The following PDE4B variants were observed in gnomAD, a reference collection of about 807,000 sequenced individuals.
The protein encoded by PDE4B is 3',5'-cyclic-AMP phosphodiesterase 4B.
PDE4B carries 20 observed loss-of-function variants against 82.2 expected under a neutral mutation model. The observed-to-expected ratio is 0.24, with a 90% confidence interval of 0.17 to 0.35. The LOEUF (loss-of-function observed/expected upper bound fraction) is 0.35. Among genes scored for constraint, PDE4B ranks in the 10% least tolerant of loss-of-function variants. The probability of loss-of-function intolerance (pLI) is 1.00; values close to 1 mark genes in which losing one functional copy is unlikely to be tolerated. For synonymous variants in PDE4B, 320 were observed against 318.9 expected, an observed-to-expected ratio of 1.00 and a Z score of -0.04; for missense variants, 655 against 907.2, an observed-to-expected ratio of 0.72 and a Z score of 3.57.
In PDE4B at chr1:66,368,793, C is replaced by T. The variant is rs370349934; in HGVS notation, c.1669C>T (p.Arg557Cys). Reference sequence around the variant, plus strand: ...CAAAACTTGATGATTTCAGGTCCTTCGCAACATGGTACACTGTGCAGACCT... The same window carrying T: ...CAAAACTTGATGATTTCAGGTCCTTTGCAACATGGTACACTGTGCAGACCT... ...DNYTDRIQVL[R>C]NMVHCADLSN... The change falls in exon 16 of 17, where the codon CGC (arginine) becomes TGC (cysteine). Residue 557 changes from arginine (R) to cysteine (C), a missense_variant. Around this residue, in one of 3 missense-constraint regions of PDE4B, gnomAD observed 283 missense variants for 516.4 expected, o/e 0.55. Coordinates refer to ENST00000341517, the MANE Select transcript of PDE4B (RefSeq NM_002600.4). The T allele has an allele frequency of 3.3e-5, 50 of 1,526,864 alleles. No homozygotes were observed. Among genetic ancestry groups the T allele is most frequent in the East Asian group, 4.7e-5 (2 of 42,484 alleles). The allele number at this position is 1,526,864 out of a possible 1,614,324, so 94.6% of individuals were successfully genotyped here. A position where few individuals can be genotyped will look rare whatever the true frequency, so the allele number is the denominator to read the frequency against.
intron 1 of PDE4B, among the ~76,000 whole-genome samples, chr1:65,839,777 G>T (rs1486889947): frequency 6.6e-6 from 1 of 152,064 alleles, no homozygotes. Context: ...AATCCTTTGG[G>T]TATATACCCA....
upstream of PDE4B, chr1:65,792,607 G>C (rs1456867328): frequency 6.6e-6 from 1 of 152,086 alleles, no homozygotes; most frequent in African/African-American, 2.4e-5. Context: ...CCGTGCCCGC[G>C]GAATATTGCA....
chr1:66,040,656 T>C lies in PDE4B; in HGVS notation c.281+121821T>C, dbSNP rs72918242. Among the ~76,000 whole-genome samples, 1,275 of 152,176 alleles carry C rather than the reference T, an allele frequency of 8.4e-3. 15 individuals are homozygous for C. Among genetic ancestry groups the C allele is most frequent in the African/African-American group, 0.029 (1,192 of 41,566 alleles). ...AAGTAGTTGCATTTCTAGAACAGCATGAAAATGTAATCCTACAATGTTTGA... is the reference window on the plus strand; with the variant it reads ...AAGTAGTTGCATTTCTAGAACAGCACGAAAATGTAATCCTACAATGTTTGA... On this transcript the variant is annotated intron_variant, in intron 3 of 16. Transcript: ENST00000341517.
chr1:66,345,178 A>T (rs1395207212), intron 8 of PDE4B, among the ~76,000 whole-genome samples: 1 of 151,146 alleles, frequency 6.6e-6, no homozygotes, highest in African/African-American at 2.4e-5. Context: ...CTAAATGTCA[A>T]GACATAGAAT....
Position 65,961,999 on chromosome 1 carries a change from T to C in PDE4B, c.281+43164T>C, listed in dbSNP as rs536743735. On this transcript the variant is annotated intron_variant, in intron 3 of 16. Coordinates refer to ENST00000341517, the MANE Select transcript of PDE4B (RefSeq NM_002600.4). ...TGAGATTACAACCTGATAAACCCAT[T>C]ATAAGTTGAAAATATTGTTAGTCGA... Among the ~76,000 whole-genome samples the C allele has an allele frequency of 8.5e-5, 13 of 152,302 alleles. No individual in the cohort carries two copies. The South Asian group carries it at 1.4e-3, about 17-fold the overall frequency.
chr1:66,082,138 C>T (rs1465781510), intron 3 of PDE4B, among the ~76,000 whole-genome samples: 1 of 151,970 alleles, frequency 6.6e-6, no homozygotes, highest in Non-Finnish European at 1.5e-5. Flanking sequence ...TCCCCAAATC[C>T]CAGCATTGAT....
At chr1:65,925,869 A>AATC (rs1647470608) in intron 3 of PDE4B, among the ~76,000 whole-genome samples, 1 of 152,080 alleles carries the variant, frequency 6.6e-6, no homozygotes, top group African/African-American at 2.4e-5. Context: ...ACATGATCAT[A>AATC]ATCTGTTAAG....
chr1:66,242,818 G>A (rs1652990838), intron 3 of PDE4B, among the ~76,000 whole-genome samples: 2 of 152,176 alleles, frequency 1.3e-5, no homozygotes, highest in South Asian at 4.1e-4. Context: ...CCCACCTGCT[G>A]GGCTTGGAGG....
chr1:66,074,852 G>A (rs564379457), intron 3 of PDE4B, among the ~76,000 whole-genome samples: 1 of 152,074 alleles, frequency 6.6e-6, no homozygotes, highest in South Asian at 2.1e-4. Context: ...TAATGTTATG[G>A]ATTCACCATC....
chr1:66,158,609 A>C (rs1320938252), intron 3 of PDE4B, among the ~76,000 whole-genome samples: 1 of 152,222 alleles, frequency 6.6e-6, no homozygotes, highest in East Asian at 1.9e-4. Context: ...TATTCAAAGA[A>C]AATCAGTATG....
intron 1 of PDE4B, among the ~76,000 whole-genome samples, chr1:65,863,754 C>T (rs368220508): frequency 6.6e-4 from 101 of 152,210 alleles, no homozygotes; most frequent in African/African-American, 2.2e-3. Context: ...TTTACCATTA[C>T]GTAATGCGTT....
At chr1:65,904,217 AG>A (rs1233974682) in intron 1 of PDE4B, among the ~76,000 whole-genome samples, 6 of 152,330 alleles carry the variant, frequency 3.9e-5, no homozygotes, top group African/African-American at 1.4e-4. Flanking sequence ...ATGTTTGAAC[AG>A]CACTGTACAG....
At chr1:66,329,282 G>C (rs1479300924) in intron 7 of PDE4B, among the ~76,000 whole-genome samples, 1 of 152,188 alleles carries the variant, frequency 6.6e-6, no homozygotes, top group Non-Finnish European at 1.5e-5. Flanking sequence ...GGGAAATTAG[G>C]ATGTGGGATA....
intron 3 of PDE4B, among the ~76,000 whole-genome samples, chr1:66,235,784 A>G (rs1405105214): frequency 6.6e-6 from 1 of 152,228 alleles, no homozygotes; most frequent in Non-Finnish European, 1.5e-5. Context: ...AAAAATGTTT[A>G]GACAAGTTAA....
intron 3 of PDE4B, among the ~76,000 whole-genome samples, chr1:66,236,709 A>G (rs1652488000): frequency 6.6e-6 from 1 of 152,172 alleles, no homozygotes; most frequent in African/African-American, 2.4e-5. Flanking sequence ...AGGGTAGACC[A>G]TGAGTAGGTG....
chr1:66,363,358 G>A (rs767370349), intron 11 of PDE4B, 49 bp from the exon 12 acceptor site: 14 of 1,553,964 alleles, frequency 9.0e-6, no homozygotes, highest in South Asian at 5.9e-5. Context: ...AACTTTCCTC[G>A]ACTTTTGGAC....
intron 3 of PDE4B, among the ~76,000 whole-genome samples, chr1:66,102,324 G>A (rs555922072): frequency 1.7e-4 from 26 of 152,064 alleles, no homozygotes; most frequent in Non-Finnish European, 3.1e-4. Flanking sequence ...GAATGGATGT[G>A]TATACCTAAA....
intron 3 of PDE4B, among the ~76,000 whole-genome samples, chr1:66,127,890 G>A (rs1645856108): frequency 6.6e-6 from 1 of 152,040 alleles, no homozygotes. Flanking sequence ...CTTTATGGCT[G>A]AGAAGATTAT....
intron 7 of PDE4B, among the ~76,000 whole-genome samples, chr1:66,268,675 A>C (rs902464272): frequency 3.3e-5 from 5 of 150,514 alleles, no homozygotes; most frequent in African/African-American, 4.9e-5. Context: ...CTCAAAAAAA[A>C]AAAAAAAAAA....
Sources: gnomAD v4.1 joint callset for allele counts (sites outside exome capture counted in the v4.1 genomes callset) on GRCh38, gnomAD v4.1.1 for gene constraint, gnomAD v4.1.1 regional missense constraint, MANE v1.5 for transcripts, NCBI Gene and HGNC (gene_info 2026-07-23, HGNC 2026-07-21) for gene names.